Variants in LCE2D observed in about 807,000 individuals in gnomAD.
LCE2D encodes late cornified envelope 2D.
For missense variants in LCE2D, 161 were observed against 142.9 expected, an observed-to-expected ratio of 1.13 and a Z score of -0.65; for synonymous variants, 55 against 51.3, an observed-to-expected ratio of 1.07 and a Z score of -0.31.
rs747138495 is a variant in LCE2D, at chr1:152,664,118, C to G, written c.13C>G (p.Gln5Glu). 1.7e-5 allele frequency: 28 copies of G among 1,614,006 alleles called. No individual in the cohort carries two copies. The highest frequency in any genetic ancestry group is 2.0e-5 in the Non-Finnish European group (24 of 1,180,012). Residue 5 changes from glutamine (Q) to glutamate (E), a missense_variant, in exon 2 of 2, where the codon CAA (glutamine) becomes GAA (glutamate). Physicochemically the swap from Gln to Glu is conservative, Grantham distance 29. Transcript: ENST00000368784. MSCQ[Q>E]NQQQCQPPPK... The stretch of plus-strand genomic sequence containing the variant: ...AACTCCTGCCAGGATGTCTTGCCAG[C>G]AAAACCAGCAGCAGTGCCAGCCCCC...
chr1:152,664,041 C>A (rs1270840949), intron 1 of LCE2D, 44 bp from the exon 2 acceptor site: 18 of 1,581,810 alleles, frequency 1.1e-5, no homozygotes, highest in Admixed American at 1.7e-5. Context: ...ATAATTATGA[C>A]CTTTGGTTTG....
chr1:152,664,658 T>A lies in LCE2D; in HGVS notation c.*220T>A. 3.2e-6 allele frequency: 2 copies of A among 626,138 alleles called. No individual in the cohort carries two copies. The highest frequency in any genetic ancestry group is 3.4e-5 in the Admixed American group (1 of 29,414). 38.8% of individuals were successfully genotyped at this position (626,138 alleles called of 1,614,324 possible). On this transcript the variant is annotated 3_prime_UTR_variant, in exon 2 of 2. Transcript: ENST00000368784. ...AATAAAGCTCTGATTTCTGACTCTT[T>A]AAATGTCTTGGTCATACTCTTCTCT... is the stretch of plus-strand genomic sequence containing the variant.
At position 152,664,449 on chromosome 1, in the gene LCE2D, A is replaced by G. The variant is rs760944846; in HGVS notation, c.*11A>G. On this transcript the variant is annotated 3_prime_UTR_variant, in exon 2 of 2. Transcript: ENST00000368784. ...GGGGGCTGCTGCTGACCTGGGCTGC[A>G]GAAGAGCTCTGGTACTGAATGGTCA... is the stretch of plus-strand genomic sequence containing the variant. The G allele has an allele frequency of 1.6e-5, 26 of 1,606,814 alleles. No individual in the cohort carries two copies. The African/African-American group carries it at 3.2e-4, about 20-fold the overall frequency.
In LCE2D at chr1:152,664,366, G is replaced by C. The variant is rs1648501733; in HGVS notation, c.261G>C (p.Gln87His). Residue 87 changes from glutamine to histidine, a missense_variant, in exon 2 of 2, where the codon CAG becomes CAC. By Grantham distance (24) the Gln-to-His change is conservative. Transcript: ENST00000368784. ...GTCTCTTCCACCGGCGCCGGCACCAGAGCCCCGATTGCTGTGAGAGTGAAC... is the reference window on the plus strand; with the variant it reads ...GTCTCTTCCACCGGCGCCGGCACCACAGCCCCGATTGCTGTGAGAGTGAAC... ...RPRLFHRRRH[Q>H]SPDCCESEPS... The C allele has an allele frequency of 6.2e-7, 1 of 1,608,522 alleles. No individual in the cohort carries two copies. The highest frequency in any genetic ancestry group is 2.2e-5 in the East Asian group (1 of 44,836).
In LCE2D at chr1:152,664,105, G is replaced by C. The variant is rs184356461; in HGVS notation, c.-1G>C. 20 of 1,614,006 alleles carry C rather than the reference G, an allele frequency of 1.2e-5. No homozygotes were observed. Among genetic ancestry groups the C allele is most frequent in the Admixed American group, 3.3e-5 (2 of 60,012 alleles). On this transcript the variant is annotated 5_prime_UTR_variant, in exon 2 of 2. Coordinates refer to ENST00000368784, the MANE Select transcript of LCE2D (RefSeq NM_178430.4). ...TTTAGGTTGACTAAACTCCTGCCAGGATGTCTTGCCAGCAAAACCAGCAGC... is the reference window on the plus strand; with the variant it reads ...TTTAGGTTGACTAAACTCCTGCCAGCATGTCTTGCCAGCAAAACCAGCAGC...
Position 152,664,432 on chromosome 1 carries a change from C to T in LCE2D, c.327C>T (p.Cys109=). The T allele has an allele frequency of 1.9e-6, 3 of 1,611,340 alleles. No homozygotes were observed. Among genetic ancestry groups the T allele is most frequent in the Non-Finnish European group, 1.7e-6 (2 of 1,178,740 alleles). The part of the protein sequence containing the change: ...ASGCCHSSGG[C]C The stretch of plus-strand genomic sequence containing the variant: ...GCTGCTGCCACAGCTCTGGGGGCTG[C>T]TGCTGACCTGGGCTGCAGAAGAGCT... Residue 109 remains cysteine (C), a synonymous_variant, in exon 2 of 2, where the codon TGC becomes TGT. Coordinates refer to ENST00000368784, the MANE Select transcript of LCE2D (RefSeq NM_178430.4).
At position 152,664,010 on chromosome 1, in the gene LCE2D, T is replaced by C. The variant is rs552813624; in HGVS notation, c.-21-75T>C. ...CTAAATATCATTCTTCTTCTACACA[T>C]GCATTGATTTTAGAGGAGGCATAAT... is the stretch of plus-strand genomic sequence containing the variant. On this transcript the variant is annotated intron_variant, in intron 1 of 1. Coordinates refer to ENST00000368784, the MANE Select transcript of LCE2D (RefSeq NM_178430.4). 2.0e-6 allele frequency: 3 copies of C among 1,484,604 alleles called. No homozygotes were observed. In the East Asian group the frequency reaches 6.8e-5, roughly 34 times the overall value. 92.0% of individuals were successfully genotyped at this position (1,484,604 alleles called of 1,614,324 possible). A position where few individuals can be genotyped will look rare whatever the true frequency, so the allele number is the denominator to read the frequency against.
Position 152,664,278 on chromosome 1 carries a change from C to G in LCE2D, c.173C>G (p.Pro58Arg), listed in dbSNP as rs1314659193. 6.2e-7 allele frequency: 1 copy of G among 1,614,010 alleles called. No homozygotes were observed. Among genetic ancestry groups the G allele is most frequent in the African/African-American group, 1.3e-5 (1 of 74,906 alleles). Residue 58 changes from proline (P) to arginine (R), a missense_variant, in exon 2 of 2, where the codon CCC becomes CGC. Pro to Arg is a moderately radical substitution (Grantham distance 103). Coordinates refer to ENST00000368784, the MANE Select transcript of LCE2D (RefSeq NM_178430.4). ...CGPSSGSCCG[P>R]SSGGCCSSGG... ...CCCAGCTCTGGGAGCTGCTGTGGTCCCAGCTCTGGGGGCTGCTGCAGCTCT... is the reference window on the plus strand; with the variant it reads ...CCCAGCTCTGGGAGCTGCTGTGGTCGCAGCTCTGGGGGCTGCTGCAGCTCT...
chr1:152,664,482 G>C lies in LCE2D; in HGVS notation c.*44G>C, dbSNP rs759523219. ...TCTGGTACTGAATGGTCAAAAACCT[G>C]CTACAGCCTGATGCTTAACTATTTC... On this transcript the variant is annotated 3_prime_UTR_variant, in exon 2 of 2. Coordinates refer to ENST00000368784, the MANE Select transcript of LCE2D (RefSeq NM_178430.4). 6.4e-6 allele frequency: 10 copies of C among 1,558,636 alleles called. No individual in the cohort carries two copies. Among genetic ancestry groups the C allele is most frequent in the Non-Finnish European group, 6.9e-6 (8 of 1,155,744 alleles).
At position 152,664,521 on chromosome 1, in the gene LCE2D, T is replaced by C; in HGVS notation, c.*83T>C. 2 of 1,520,914 alleles carry C rather than the reference T, an allele frequency of 1.3e-6. No individual in the cohort carries two copies. The highest frequency in any genetic ancestry group is 8.8e-7 in the Non-Finnish European group (1 of 1,135,976). 94.2% of individuals were successfully genotyped at this position (1,520,914 alleles called of 1,614,324 possible). On this transcript the variant is annotated 3_prime_UTR_variant, in exon 2 of 2. Transcript: ENST00000368784. Reference sequence around the variant, plus strand: ...CTTAACTATTTCCCCTTCCTTTCATTCCACTCATGGGTGGACAGGGACCAC... The same window carrying C: ...CTTAACTATTTCCCCTTCCTTTCATCCCACTCATGGGTGGACAGGGACCAC...
chr1:152,663,804 G>C (rs916868464), intron 1 of LCE2D, among the ~76,000 whole-genome samples: 1 of 152,194 alleles, frequency 6.6e-6, no homozygotes, highest in African/African-American at 2.4e-5. Context: ...CTTGTATTAA[G>C]AGAACAGGTA....
At chr1:152,663,811 G>A (rs1353215506) in intron 1 of LCE2D, among the ~76,000 whole-genome samples, 2 of 152,262 alleles carry the variant, frequency 1.3e-5, no homozygotes, top group Non-Finnish European at 2.9e-5. Flanking sequence ...TAAGAGAACA[G>A]GTACTTCATG....
chr1:152,664,044 T>C, intron 1 of LCE2D, 41 bp from the exon 2 acceptor site: 1 of 1,585,528 alleles, frequency 6.3e-7, no homozygotes, highest in Non-Finnish European at 8.6e-7. Context: ...ATTATGACCT[T>C]TGGTTTGAAA....
rs537040687 is a variant in LCE2D, at chr1:152,664,154, C to T, written c.49C>T (p.Pro17Ser). Residue 17 changes from proline to serine, a missense_variant, in exon 2 of 2, where the codon CCT becomes TCT. Physicochemically the swap from Pro to Ser is moderately conservative, Grantham distance 74. Coordinates refer to ENST00000368784, the MANE Select transcript of LCE2D (RefSeq NM_178430.4). ...GCAGTGCCAGCCCCCTCCCAAATGTCCTCCCAAGTGTACCCCAAAATGTCC... is the reference window on the plus strand; with the variant it reads ...GCAGTGCCAGCCCCCTCCCAAATGTTCTCCCAAGTGTACCCCAAAATGTCC... Reference protein sequence around the residue: ...QQQCQPPPKCPPKCTPKCPPK... With the variant: ...QQQCQPPPKCSPKCTPKCPPK... 1.9e-6 allele frequency: 3 copies of T among 1,614,192 alleles called. No individual in the cohort carries two copies. The highest frequency in any genetic ancestry group is 3.3e-5 in the Admixed American group (2 of 60,016).
At position 152,664,603 on chromosome 1, in the gene LCE2D, G is replaced by A. The variant is rs187185027; in HGVS notation, c.*165G>A. On this transcript the variant is annotated 3_prime_UTR_variant, in exon 2 of 2. Transcript: ENST00000368784. ...GCTTGATGGAGCACCCCAGATGGAA[G>A]CCTTCTTTTTCTCCTTTACCTCATA... 1.2e-3 allele frequency: 1,112 copies of A among 953,210 alleles called. 2 individuals are homozygous for A. The highest frequency in any genetic ancestry group is 1.2e-3 in the Non-Finnish European group (781 of 654,222). The allele number at this position is 953,210 out of a possible 1,614,324, so 59.0% of individuals were successfully genotyped here.
chr1:152,664,127 C>T lies in LCE2D; in HGVS notation c.22C>T (p.Gln8Ter). The T allele has an allele frequency of 6.2e-7, 1 of 1,614,134 alleles. No individual in the cohort carries two copies. The highest frequency in any genetic ancestry group is 8.5e-7 in the Non-Finnish European group (1 of 1,180,002). ...CAGGATGTCTTGCCAGCAAAACCAGCAGCAGTGCCAGCCCCCTCCCAAATG... is the reference window on the plus strand; with the variant it reads ...CAGGATGTCTTGCCAGCAAAACCAGTAGCAGTGCCAGCCCCCTCCCAAATG... MSCQQNQ[Q>*]QCQPPPKCPP... The change falls in exon 2 of 2, where the codon CAG becomes TAG. Residue 8 changes from glutamine (Q) to a stop codon, truncating the protein, a stop_gained. Transcript: ENST00000368784. LOFTEE classifies it low-confidence loss of function (END_TRUNC).
chr1:152,663,551 TCA>T (rs1648462980), intron 1 of LCE2D, 122 bp downstream of exon 1: 1 of 156,556 alleles, frequency 6.4e-6, no homozygotes, highest in African/African-American at 2.4e-5. Flanking sequence ...GGAATAGGAC[TCA>T]GTTTGCCTCA....
intron 1 of LCE2D, 133 bp from the exon 2 acceptor site, chr1:152,663,952 G>A (rs977575470): frequency 9.9e-7 from 1 of 1,011,626 alleles, no homozygotes; most frequent in African/African-American, 1.6e-5. Flanking sequence ...GATTCAAGTT[G>A]TTTCTTTCAG....
rs892807356 is a variant in LCE2D at position 152,664,562 on chromosome 1, T to G, written c.*124T>G. ...CAGGGACCACAAAGACTCATGGGGCTTCCCCAGAACTTTGTGCTTGATGGA... is the reference window on the plus strand; with the variant it reads ...CAGGGACCACAAAGACTCATGGGGCGTCCCCAGAACTTTGTGCTTGATGGA... On this transcript the variant is annotated 3_prime_UTR_variant, in exon 2 of 2. Transcript: ENST00000368784. 2.8e-6 allele frequency: 4 copies of G among 1,418,714 alleles called. No homozygotes were observed. In the African/African-American group the frequency reaches 5.9e-5, roughly 21 times the overall value. The allele number at this position is 1,418,714 out of a possible 1,614,324, so 87.9% of individuals were successfully genotyped here.
Sources: gnomAD v4.1 joint callset for allele counts (sites outside exome capture counted in the v4.1 genomes callset) on GRCh38, gnomAD v4.1.1 for gene constraint, MANE v1.5 for transcripts, NCBI Gene and HGNC (gene_info 2026-07-23, HGNC 2026-07-21) for gene names.